ZKSCAN4: variants seen among roughly 807,000 people sequenced by gnomAD.
The protein encoded by ZKSCAN4 is zinc finger with KRAB and SCAN domains 4.
A neutral mutation model predicts 30.8 loss-of-function variants in ZKSCAN4; 23 were observed. That is an observed-to-expected ratio of 0.75 (90% CI 0.54 to 1.06). The LOEUF (loss-of-function observed/expected upper bound fraction) is 1.06. Ranked by LOEUF, ZKSCAN4 falls within the 50% of genes least tolerant of loss-of-function variation. ZKSCAN4 has a pLI of 0.00. For missense variants in ZKSCAN4, 556 were observed against 665.4 expected (o/e 0.84, Z 1.81); for synonymous variants, 208 against 252.5 (o/e 0.82, Z 1.67).
chr6:28,246,135 G>A (rs1193693758), intron 4 of ZKSCAN4, 160 bp from the exon 5 acceptor site: 3 of 977,540 alleles, frequency 3.1e-6, no homozygotes, highest in East Asian at 2.5e-5. Context: ...GAGAACAGGG[G>A]TGCTGGGGAG....
the ZKSCAN4 span, among the ~76,000 whole-genome samples, chr6:28,258,969 G>C: frequency 2.0e-5 from 3 of 152,100 alleles, no homozygotes; most frequent in Admixed American, 6.5e-5. Flanking sequence ...GTTGGTAGTA[G>C]GGATCTTCCA....
rs1227000367 is a variant in ZKSCAN4 at position 28,244,084 on chromosome 6, T to C, written c.*1032A>G. On this transcript the variant is annotated 3_prime_UTR_variant, in exon 5 of 5. Transcript: ENST00000377294. ...GTTTTGAAACCATGAATAATAATTA[T>C]AAATATTTGTTATGAATCTTCGGAC... 6.6e-6 allele frequency among the ~76,000 whole-genome samples: 1 copy of C among 152,160 alleles called. No homozygotes were observed. Among genetic ancestry groups the C allele is most frequent in the Non-Finnish European group, 1.5e-5 (1 of 68,030 alleles).
upstream of ZKSCAN4, among the ~76,000 whole-genome samples, chr6:28,257,014 T>C (rs757166830): frequency 6.6e-6 from 1 of 152,232 alleles, no homozygotes; most frequent in Non-Finnish European, 1.5e-5. Flanking sequence ...ACTTTTGACC[T>C]ACAAGGGCAG....
chr6:28,251,997 A>T lies in ZKSCAN4; in HGVS notation c.-17T>A. On this transcript the variant is annotated 5_prime_UTR_variant, in exon 1 of 5. Coordinates refer to ENST00000377294, the MANE Select transcript of ZKSCAN4 (RefSeq NM_019110.5). This position sits in a 1 kb window ranked among gnomAD's most constrained non-coding sequence, Gnocchi z 4.5. Reference sequence around the variant, plus strand: ...TCTAGCCATTCTGACCCAAGGCAGTACTCGGGTCTCACTCTAGTTGCGACC... The same window carrying T: ...TCTAGCCATTCTGACCCAAGGCAGTTCTCGGGTCTCACTCTAGTTGCGACC... 6.6e-7 allele frequency: 1 copy of T among 1,512,986 alleles called. No individual in the cohort carries two copies. Among genetic ancestry groups the T allele is most frequent in the Non-Finnish European group, 8.8e-7 (1 of 1,133,626 alleles). 93.7% of individuals were successfully genotyped at this position (1,512,986 alleles called of 1,614,324 possible). A position where few individuals can be genotyped will look rare whatever the true frequency, so the allele number is the denominator to read the frequency against.
Position 28,245,945 on chromosome 6 carries a change from A to G in ZKSCAN4, c.809T>C (p.Leu270Ser). ...GGEIQTKSRD[L>S]PPVKKLPEKE... ...TTCTGGAAGCTTCTTGACTGGAGGCAAGTCCCTGCTCTTAGTCTGTATTTC... is the reference window on the plus strand; with the variant it reads ...TTCTGGAAGCTTCTTGACTGGAGGCGAGTCCCTGCTCTTAGTCTGTATTTC... Residue 270 changes from leucine (L) to serine (S), a missense_variant, in exon 5 of 5, where the codon TTG (leucine) becomes TCG (serine). This residue lies in a region of ZKSCAN4 where 433 missense variants were observed against 511.5 expected (regional missense o/e 0.85). Transcript: ENST00000377294. 1 of 1,614,214 alleles carries G rather than the reference A, an allele frequency of 6.2e-7. No homozygotes were observed. The highest frequency in any genetic ancestry group is 8.5e-7 in the Non-Finnish European group (1 of 1,180,036).
rs753302964 is a variant in ZKSCAN4 at position 28,245,890 on chromosome 6, C to T, written c.864G>A (p.Arg288=). Residue 288 remains arginine (R), a synonymous_variant, in exon 5 of 5, where the codon AGG becomes AGA. Coordinates refer to ENST00000377294, the MANE Select transcript of ZKSCAN4 (RefSeq NM_019110.5). ...GTGTAGGAATCTGGGCAATGTCTTC[C>T]CTCAGGTGGCATATCTTCCCATGCT... ...EKEHGKICHL[R]EDIAQIPTHA... The T allele has an allele frequency of 6.2e-7, 1 of 1,614,226 alleles. No individual in the cohort carries two copies. The highest frequency in any genetic ancestry group is 1.3e-5 in the African/African-American group (1 of 75,058).
At position 28,245,005 on chromosome 6, in the gene ZKSCAN4, T is replaced by G; in HGVS notation, c.*111A>C. ...GACTACATTTTCTAATACCCGATGA[T>G]GTATAGTGGTAAATAAAGCCCTGGT... is the stretch of plus-strand genomic sequence containing the variant. On this transcript the variant is annotated 3_prime_UTR_variant, in exon 5 of 5. Coordinates refer to ENST00000377294, the MANE Select transcript of ZKSCAN4 (RefSeq NM_019110.5). 1 of 1,279,454 alleles carries G rather than the reference T, an allele frequency of 7.8e-7. No individual in the cohort carries two copies. Among genetic ancestry groups the G allele is most frequent in the Non-Finnish European group, 1.1e-6 (1 of 880,138 alleles). 79.3% of individuals were successfully genotyped at this position (1,279,454 alleles called of 1,614,324 possible).
Position 28,244,490 on chromosome 6 carries a change from C to G in ZKSCAN4, c.*626G>C, listed in dbSNP as rs1470698072. On this transcript the variant is annotated 3_prime_UTR_variant, in exon 5 of 5. Transcript: ENST00000377294. ...TCATGGTAGAGAAATATGGATTCCCCCACCCCAATTCTGAAAACAGTATGT... is the reference window on the plus strand; with the variant it reads ...TCATGGTAGAGAAATATGGATTCCCGCACCCCAATTCTGAAAACAGTATGT... 1.9e-5 allele frequency: 3 copies of G among 158,992 alleles called. 1 individual carries two copies. The highest frequency in any genetic ancestry group is 1.8e-4 in the Admixed American group (3 of 16,518). The allele number at this position is 158,992 out of a possible 1,614,324, so 9.8% of individuals were successfully genotyped here.
rs1445776914 is a variant in ZKSCAN4, at chr6:28,247,064, A to G, written c.683T>C (p.Leu228Pro). ...CTGTGTCCACCCAGGAGTGAGGGTC[A>G]GGGCCACATCTTCCATTTTCAGCAA... ...QGLLKMEDVA[L>P]TLTPGWTQLD... Residue 228 changes from leucine (L) to proline (P), a missense_variant, in exon 4 of 5, where the codon CTG becomes CCG. Coordinates refer to ENST00000377294, the MANE Select transcript of ZKSCAN4 (RefSeq NM_019110.5). 16 of 1,611,026 alleles carry G rather than the reference A, an allele frequency of 9.9e-6. No homozygotes were observed. Among genetic ancestry groups the G allele is most frequent in the Non-Finnish European group, 1.3e-5 (15 of 1,178,632 alleles).
chr6:28,245,759 C>G lies in ZKSCAN4; in HGVS notation c.995G>C (p.Ser332Thr). The G allele has an allele frequency of 3.7e-6, 6 of 1,614,244 alleles. No individual in the cohort carries two copies. The highest frequency in any genetic ancestry group is 5.1e-6 in the Non-Finnish European group (6 of 1,180,050). Reference sequence around the variant, plus strand: ...TCTCCTGTGTTTAGTCAGGCCTGAACTTTGAGCAAAACTCTTTCCACATTC... The same window carrying G: ...TCTCCTGTGTTTAGTCAGGCCTGAAGTTTGAGCAAAACTCTTTCCACATTC... ...CHECGKSFAQ[S>T]SGLTKHRRIH... Residue 332 changes from serine to threonine, a missense_variant, in exon 5 of 5, where the codon AGT becomes ACT. Coordinates refer to ENST00000377294, the MANE Select transcript of ZKSCAN4 (RefSeq NM_019110.5).
chr6:28,253,031 T>G (rs565885059), upstream of ZKSCAN4, among the ~76,000 whole-genome samples: 2 of 152,234 alleles, frequency 1.3e-5, no homozygotes, highest in African/African-American at 4.8e-5. The surrounding 1 kb of genome is among the most constrained non-coding windows in gnomAD (Gnocchi z 4.2). Context: ...ACTTTTCCAA[T>G]CTGTAAATAG....
chr6:28,252,477 C>G (rs1229683457), upstream of ZKSCAN4, among the ~76,000 whole-genome samples: 1 of 152,104 alleles, frequency 6.6e-6, no homozygotes, highest in Non-Finnish European at 1.5e-5. Flanking sequence ...AAGGATGCCG[C>G]TGCGGCTCAT....
rs1446116019 is a variant in ZKSCAN4, at chr6:28,251,921, C to CGTG, written c.59_60insCAC (p.Thr20dup). The CGTG allele has an allele frequency of 6.5e-7, 1 of 1,528,858 alleles. No individual in the cohort carries two copies. Among genetic ancestry groups the CGTG allele is most frequent in the Non-Finnish European group, 8.7e-7 (1 of 1,143,872 alleles). The allele number at this position is 1,528,858 out of a possible 1,614,324, so 94.7% of individuals were successfully genotyped here. ...TCTCCACCTTCACGGTCAGGAGCCCCGTCTGGTCTTCTGCAGACTGGGCGT... is the reference window on the plus strand; with the variant it reads ...TCTCCACCTTCACGGTCAGGAGCCCCGTGGTCTGGTCTTCTGCAGACTGGGCGT... On this transcript the variant is annotated inframe_insertion, in exon 1 of 5. Coordinates refer to ENST00000377294, the MANE Select transcript of ZKSCAN4 (RefSeq NM_019110.5). The surrounding 1 kb of genome is among the most constrained non-coding windows in gnomAD (Gnocchi z 4.5).
Position 28,249,417 on chromosome 6 carries a change from C to T in ZKSCAN4, c.571+270G>A, listed in dbSNP as rs946190823. 1.3e-5 allele frequency among the ~76,000 whole-genome samples: 2 copies of T among 152,098 alleles called. No homozygotes were observed. The highest frequency in any genetic ancestry group is 2.4e-5 in the African/African-American group (1 of 41,404). ...ACACTGGCTACCATAGATGAAGGCTCCCTAAATATATCTAATGAATGGAGA... is the reference window on the plus strand; with the variant it reads ...ACACTGGCTACCATAGATGAAGGCTTCCTAAATATATCTAATGAATGGAGA... On this transcript the variant is annotated intron_variant, in intron 2 of 4. Transcript: ENST00000377294. The surrounding 1 kb of genome is among the most constrained non-coding windows in gnomAD (Gnocchi z 4.1).
Position 28,245,328 on chromosome 6 carries a change from T to A in ZKSCAN4, c.1426A>T (p.Ser476Cys), listed in dbSNP as rs1760659293. The change falls in exon 5 of 5, where the codon AGC (serine) becomes TGC (cysteine). Residue 476 changes from serine to cysteine, a missense_variant. Around this residue, in one of 3 missense-constraint regions of ZKSCAN4, gnomAD observed 433 missense variants for 511.5 expected, o/e 0.85. Coordinates refer to ENST00000377294, the MANE Select transcript of ZKSCAN4 (RefSeq NM_019110.5). Reference sequence around the variant, plus strand: ...GGAGCCTCAGTATTTTCCCACTGGCTTTCCGTCCTACCCTGACTTTCCCAG... The same window carrying A: ...GGAGCCTCAGTATTTTCCCACTGGCATTCCGTCCTACCCTGACTTTCCCAG... ...ESWESQGRTE[S>C]QWENTEAPVS... The A allele has an allele frequency of 6.2e-7, 1 of 1,614,092 alleles. No individual in the cohort carries two copies. Among genetic ancestry groups the A allele is most frequent in the African/African-American group, 1.3e-5 (1 of 74,940 alleles).
At chr6:28,254,533 A>C (rs754370904), upstream of ZKSCAN4, among the ~76,000 whole-genome samples, 1 of 152,136 alleles carries the variant, frequency 6.6e-6, no homozygotes, top group Non-Finnish European at 1.5e-5. Flanking sequence ...TCTGGAGTTG[A>C]ATTCTGCCTC....
rs1339228936 is a variant in ZKSCAN4 at position 28,245,938 on chromosome 6, T to A, written c.816A>T (p.Pro272=). 6.2e-7 allele frequency: 1 copy of A among 1,614,090 alleles called. No individual in the cohort carries two copies. The highest frequency in any genetic ancestry group is 8.5e-7 in the Non-Finnish European group (1 of 1,180,044). Residue 272 remains proline, a synonymous_variant, in exon 5 of 5, where the codon CCA becomes CCT. Coordinates refer to ENST00000377294, the MANE Select transcript of ZKSCAN4 (RefSeq NM_019110.5). ...EIQTKSRDLP[P]VKKLPEKEHG... ...GCTCCTTTTCTGGAAGCTTCTTGAC[T>A]GGAGGCAAGTCCCTGCTCTTAGTCT...
At chr6:28,256,375 G>A (rs1761175082), upstream of ZKSCAN4, among the ~76,000 whole-genome samples, 1 of 152,150 alleles carries the variant, frequency 6.6e-6, no homozygotes, top group Non-Finnish European at 1.5e-5. Flanking sequence ...GGTACACAGT[G>A]AGCCATGATA....
At position 28,243,809 on chromosome 6, in the gene ZKSCAN4, C is replaced by T. The variant is rs1319784843; in HGVS notation, c.*1307G>A. Among the ~76,000 whole-genome samples, 2 of 151,920 alleles carry T rather than the reference C, an allele frequency of 1.3e-5. No homozygotes were observed. The highest frequency in any genetic ancestry group is 6.6e-5 in the Admixed American group (1 of 15,244). The stretch of plus-strand genomic sequence containing the variant: ...CCTCCCAAGTAGCAGGGATTACAGG[C>T]GTGTGTCACCATGCCTGGCTAATTT... On this transcript the variant is annotated 3_prime_UTR_variant, in exon 5 of 5. Coordinates refer to ENST00000377294, the MANE Select transcript of ZKSCAN4 (RefSeq NM_019110.5).
Sources: gnomAD v4.1 joint callset for allele counts (sites outside exome capture counted in the v4.1 genomes callset) on GRCh38, gnomAD v4.1.1 for gene constraint, gnomAD v4.1.1 regional missense constraint, Gnocchi (gnomAD v3.1) non-coding constraint, MANE v1.5 for transcripts, NCBI Gene and HGNC (gene_info 2026-07-23, HGNC 2026-07-21) for gene names.